ZMYND10: variants seen among roughly 807,000 people sequenced by gnomAD.
ZMYND10 encodes zinc finger MYND-type containing 10.
ZMYND10 carries 52 observed loss-of-function variants against 62.6 expected under a neutral mutation model. That is an observed-to-expected ratio of 0.83 (90% CI 0.67 to 1.05). ZMYND10 has a LOEUF of 1.05. Among genes scored for constraint, ZMYND10 ranks in the 50% least tolerant of loss-of-function variants. The pLI is 0.00. For missense variants in ZMYND10, 438 were observed against 543.3 expected (o/e 0.81, Z 1.93); for synonymous variants, 197 against 218.5 (o/e 0.90, Z 0.87).
intron 7 of ZMYND10, 45 bp downstream of exon 7, chr3:50,342,873 C>G (rs758928526): frequency 2.5e-6 from 4 of 1,601,614 alleles, no homozygotes; most frequent in Middle Eastern, 1.9e-4. Flanking sequence ...AAAAGATACC[C>G]TGAAGCAGTA....
In ZMYND10 at chr3:50,341,881, C is replaced by T. The variant is rs765494128; in HGVS notation, c.1050G>A (p.Gln350=). 2.5e-6 allele frequency: 4 copies of T among 1,614,172 alleles called. No homozygotes were observed. In the South Asian group the frequency reaches 4.4e-5, roughly 18 times the overall value. Residue 350 remains glutamine, a synonymous_variant, in exon 10 of 12, where the codon CAG becomes CAA. Transcript: ENST00000231749. ...GCTGGAGCTGGTGCTTGGCAATTGC[C>T]TGCCACTTGCCTCTGTTTTCTCGCT... The part of the protein sequence containing the change: ...RLERENRGKW[Q]AIAKHQLQHV...
At position 50,342,478 on chromosome 3, in the gene ZMYND10, G is replaced by A. The variant is rs771411301; in HGVS notation, c.792C>T (p.Ile264=). The A allele has an allele frequency of 1.1e-5, 17 of 1,613,908 alleles. No individual in the cohort carries two copies. Among genetic ancestry groups the A allele is most frequent in the African/African-American group, 2.7e-5 (2 of 75,012 alleles). Reference sequence around the variant, plus strand: ...GGCTTAGCAGCAGGTTGTACAGGGCGATCCACACTTGCCCGTCCAACTTGC... The same window carrying A: ...GGCTTAGCAGCAGGTTGTACAGGGCAATCCACACTTGCCCGTCCAACTTGC... ...KLSKLDGQVW[I]ALYNLLLSPE... Residue 264 remains isoleucine, a synonymous_variant, in exon 8 of 12, where the codon ATC becomes ATT. Transcript: ENST00000231749.
At position 50,345,164 on chromosome 3, in the gene ZMYND10, T is replaced by C. The variant is rs766019572; in HGVS notation, c.161A>G (p.Gln54Arg). Residue 54 changes from glutamine to arginine, a missense_variant, in exon 2 of 12, where the codon CAG becomes CGG. Transcript: ENST00000231749. The surrounding 1 kb of genome is among the most constrained non-coding windows in gnomAD (Gnocchi z 5.0). ...MQAILDATVS[Q>R]GEPIQELLVT... ...CAGCAGCTCCTGAATGGGCTCGCCC[T>C]GGCTGACTGTGGCATCGAGGATGGC... 1 of 1,614,082 alleles carries C rather than the reference T, an allele frequency of 6.2e-7. No homozygotes were observed. The highest frequency in any genetic ancestry group is 1.1e-5 in the South Asian group (1 of 91,052).
chr3:50,345,511 C>T lies in ZMYND10; in HGVS notation c.69G>A (p.Pro23=), dbSNP rs1205017126. The T allele has an allele frequency of 6.2e-7, 1 of 1,607,886 alleles. No individual in the cohort carries two copies. The highest frequency in any genetic ancestry group is 1.3e-5 in the African/African-American group (1 of 74,980). The change falls in exon 1 of 12, where the codon CCG becomes CCA. Residue 23 remains proline, a synonymous_variant. Coordinates refer to ENST00000231749, the MANE Select transcript of ZMYND10 (RefSeq NM_015896.4). The surrounding 1 kb of genome is among the most constrained non-coding windows in gnomAD (Gnocchi z 5.0). ...EVLVRGLRSF[P]LREMGSEGWN... ...ACCCTTCGGAGCCCATCTCGCGTAG[C>T]GGGAAGCTGCGCAGACCCCGCACCA...
Position 50,345,058 on chromosome 3 carries a change from C to T in ZMYND10, c.201+66G>A, listed in dbSNP as rs749825349. 2 of 1,421,108 alleles carry T rather than the reference C, an allele frequency of 1.4e-6. No individual in the cohort carries two copies. Among genetic ancestry groups the T allele is most frequent in the Non-Finnish European group, 2.0e-6 (2 of 1,018,180 alleles). 88.0% of individuals were successfully genotyped at this position (1,421,108 alleles called of 1,614,324 possible). ...CCAGAGGGGAAGGGCACACAGGGGA[C>T]TCCGGAGGGGTAGAGTAGGTGAGGT... is the stretch of plus-strand genomic sequence containing the variant. On this transcript the variant is annotated intron_variant, in intron 2 of 11. Coordinates refer to ENST00000231749, the MANE Select transcript of ZMYND10 (RefSeq NM_015896.4). This position sits in a 1 kb window ranked among gnomAD's most constrained non-coding sequence, Gnocchi z 5.0.
rs202147494 is a variant in ZMYND10 at position 50,342,493 on chromosome 3, G to A, written c.777C>T (p.Asp259=). 4.2e-5 allele frequency: 68 copies of A among 1,614,028 alleles called. No individual in the cohort carries two copies. In the East Asian group the frequency reaches 1.0e-3, roughly 24 times the overall value. Residue 259 remains aspartate, a synonymous_variant, in exon 8 of 12, where the codon GAC becomes GAT. Transcript: ENST00000231749. Reference sequence around the variant, plus strand: ...TGTACAGGGCGATCCACACTTGCCCGTCCAACTTGCTCAGCTTTTGCTGCT... The same window carrying A: ...TGTACAGGGCGATCCACACTTGCCCATCCAACTTGCTCAGCTTTTGCTGCT... ...PSEQQKLSKL[D]GQVWIALYNL...
intron 8 of ZMYND10, 103 bp from the exon 9 acceptor site, chr3:50,342,243 T>C: frequency 1.3e-6 from 2 of 1,578,572 alleles, no homozygotes; most frequent in Non-Finnish European, 1.7e-6. Flanking sequence ...TGGGGGCCCA[T>C]GTCCCACTAG....
Position 50,341,246 on chromosome 3 carries a change from G to T in ZMYND10, c.*164C>A. 1.2e-6 allele frequency: 1 copy of T among 842,054 alleles called. No individual in the cohort carries two copies. Among genetic ancestry groups the T allele is most frequent in the Non-Finnish European group, 1.8e-6 (1 of 544,668 alleles). The allele number at this position is 842,054 out of a possible 1,614,324, so 52.2% of individuals were successfully genotyped here. A position where few individuals can be genotyped will look rare whatever the true frequency, so the allele number is the denominator to read the frequency against. Reference sequence around the variant, plus strand: ...GGCAGGAAGTCTCGAGCCTTCACTTGGGGTGAGGAGGAGGGAGATCGGTCA... The same window carrying T: ...GGCAGGAAGTCTCGAGCCTTCACTTTGGGTGAGGAGGAGGGAGATCGGTCA... On this transcript the variant is annotated 3_prime_UTR_variant, in exon 12 of 12. Transcript: ENST00000231749.
rs191853356 is a variant in ZMYND10 at position 50,342,903 on chromosome 3, G to C, written c.700+15C>G. 2.0e-5 allele frequency: 33 copies of C among 1,612,242 alleles called. No homozygotes were observed. In the East Asian group the frequency reaches 4.0e-4, roughly 20 times the overall value. Reference sequence around the variant, plus strand: ...GCAGTAGCCTGGGGCTTAGGCTGGTGGGGGAGGACCCTACCTCCTTCCCGC... The same window carrying C: ...GCAGTAGCCTGGGGCTTAGGCTGGTCGGGGAGGACCCTACCTCCTTCCCGC... On this transcript the variant is annotated intron_variant, in intron 7 of 11. Coordinates refer to ENST00000231749, the MANE Select transcript of ZMYND10 (RefSeq NM_015896.4).
At chr3:50,343,281 C>T (rs1250511344) in intron 5 of ZMYND10, 26 bp downstream of exon 5, 2 of 1,613,082 alleles carry the variant, frequency 1.2e-6, no homozygotes, top group East Asian at 2.2e-5. Context: ...CCTAGGCTTT[C>T]ACAACCCTAG....
chr3:50,345,298 T>A lies in ZMYND10; in HGVS notation c.93-66A>T. 1.3e-6 allele frequency: 2 copies of A among 1,562,970 alleles called. No individual in the cohort carries two copies. The highest frequency in any genetic ancestry group is 1.2e-5 in the South Asian group (1 of 86,540). On this transcript the variant is annotated intron_variant, in intron 1 of 11. Transcript: ENST00000231749. The surrounding 1 kb of genome is among the most constrained non-coding windows in gnomAD (Gnocchi z 5.0). ...ATTAGGAGTGGGGATGGGGGCTGGATCCTACTGAAGCCTAACCTGATCCTG... is the reference window on the plus strand; with the variant it reads ...ATTAGGAGTGGGGATGGGGGCTGGAACCTACTGAAGCCTAACCTGATCCTG...
chr3:50,345,726 A>C lies in ZMYND10; in HGVS notation c.-147T>G. The C allele has an allele frequency of 6.8e-7, 1 of 1,465,596 alleles. No individual in the cohort carries two copies. The allele number at this position is 1,465,596 out of a possible 1,614,324, so 90.8% of individuals were successfully genotyped here. On this transcript the variant is annotated 5_prime_UTR_variant, in exon 1 of 12. Coordinates refer to ENST00000231749, the MANE Select transcript of ZMYND10 (RefSeq NM_015896.4). The surrounding 1 kb of genome is among the most constrained non-coding windows in gnomAD (Gnocchi z 5.0). ...AGCGTCAGTTCTCGCAGCCATGGAA[A>C]CGGGTTAGCCGCGCCTGCGCAGTGC...
intron 7 of ZMYND10, 140 bp from the exon 8 acceptor site, chr3:50,342,709 A>G: frequency 6.8e-7 from 1 of 1,469,138 alleles, no homozygotes; most frequent in South Asian, 1.4e-5. Context: ...AGGGCTGCTG[A>G]CCCCAGAGCA....
chr3:50,344,049 A>G (rs1703466897), intron 2 of ZMYND10, 199 bp from the exon 3 acceptor site: 1 of 583,474 alleles, frequency 1.7e-6, no homozygotes, highest in African/African-American at 1.9e-5. Context: ...ACCTCTGTGG[A>G]TGTCCCTCAT....
intron 7 of ZMYND10, 77 bp from the exon 8 acceptor site, chr3:50,342,646 T>TGACC: frequency 1.3e-6 from 2 of 1,543,354 alleles, no homozygotes; most frequent in Non-Finnish European, 1.7e-6. Flanking sequence ...GCTGGGAGAC[T>TGACC]GACCACTGCC....
At chr3:50,344,895 C>G in intron 2 of ZMYND10, 1 of 432,006 alleles carries the variant, frequency 2.3e-6, no homozygotes, top group East Asian at 4.3e-5. Flanking sequence ...CTAAGCTGTT[C>G]TAGGACCTAC....
In ZMYND10 at chr3:50,341,221, G is replaced by A. The variant is rs113152206; in HGVS notation, c.*189C>T. 11 of 735,154 alleles carry A rather than the reference G, an allele frequency of 1.5e-5. No individual in the cohort carries two copies. Among genetic ancestry groups the A allele is most frequent in the African/African-American group, 1.1e-4 (6 of 56,772 alleles). 45.5% of individuals were successfully genotyped at this position (735,154 alleles called of 1,614,324 possible). On this transcript the variant is annotated 3_prime_UTR_variant, in exon 12 of 12. Transcript: ENST00000231749. Reference sequence around the variant, plus strand: ...CACACTTGGCCTACCCACTGGGTGGGGCAGGAAGTCTCGAGCCTTCACTTG... The same window carrying A: ...CACACTTGGCCTACCCACTGGGTGGAGCAGGAAGTCTCGAGCCTTCACTTG...
chr3:50,344,804 A>ACCCCCCCCCCCC (rs1324964799), intron 2 of ZMYND10: 1 of 22,168 alleles, frequency 4.5e-5, no homozygotes, highest in Non-Finnish European at 9.4e-5. Flanking sequence ...GCCCTCCCCA[A>ACCCCCCCCCCCC]CCCCTCCCCA....
At chr3:50,343,273 T>C in intron 5 of ZMYND10, 34 bp downstream of exon 5, 1 of 1,613,548 alleles carries the variant, frequency 6.2e-7, no homozygotes, top group Non-Finnish European at 8.5e-7. Flanking sequence ...AACCCAGACC[T>C]AGGCTTTCAC....
Sources: gnomAD v4.1 joint callset for allele counts on GRCh38, gnomAD v4.1.1 for gene constraint, Gnocchi (gnomAD v3.1) non-coding constraint, MANE v1.5 for transcripts, NCBI Gene and HGNC (gene_info 2026-07-23, HGNC 2026-07-21) for gene names.